The following B4GALT7 variants were observed in gnomAD, a reference collection of about 807,000 sequenced individuals.
The protein encoded by B4GALT7 is UDP-Gal:beta-GlcNAc beta-1,4-galactosyltransferase 7.
Under a neutral mutation model 33.0 loss-of-function variants are expected in B4GALT7, and 30 were observed. That is an observed-to-expected ratio of 0.91 (90% confidence interval 0.68 to 1.23). The LOEUF is 1.23. Among genes scored for constraint, B4GALT7 ranks in the 50% most tolerant of loss-of-function variants. The pLI is 0.00. For synonymous variants in B4GALT7, 213 were observed against 187.2 expected, an observed-to-expected ratio of 1.14 and a Z score of -1.13; for missense variants, 507 against 450.8, an observed-to-expected ratio of 1.12 and a Z score of -1.13.
At chr5:177,607,951 A>G in intron 3 of B4GALT7, 1 of 292,188 alleles carries the variant, frequency 3.4e-6, no homozygotes, top group South Asian at 3.5e-5. Flanking sequence ...CTTGTAGCTC[A>G]GGCAGGAGTC....
chr5:177,602,974 C>T lies in B4GALT7; in HGVS notation c.51-1205C>T, dbSNP rs1176061982. The T allele has an allele frequency of 1.0e-5, 5 of 501,798 alleles. No homozygotes were observed. In the South Asian group the frequency reaches 4.4e-4, roughly 44 times the overall value. 31.1% of individuals were successfully genotyped at this position (501,798 alleles called of 1,614,324 possible). A position where few individuals can be genotyped will look rare whatever the true frequency, so the allele number is the denominator to read the frequency against. The stretch of plus-strand genomic sequence containing the variant: ...CTCAGCTCACTGCAACCTCCGCCTC[C>T]CAGATTCAAGCTATGCTTCTGCCTC... On this transcript the variant is annotated intron_variant, in intron 1 of 5. Transcript: ENST00000029410.
rs117625325 is a variant in B4GALT7 at position 177,608,376 on chromosome 5, C to T, written c.640-163C>T. On this transcript the variant is annotated intron_variant, in intron 3 of 5. Transcript: ENST00000029410. This position sits in a 1 kb window ranked among gnomAD's most constrained non-coding sequence, Gnocchi z 4.1. Reference sequence around the variant, plus strand: ...CGTGAGAACGGGAGAGGGCCCGGGACGCGCTGCTTCCTGCCGCCCGCACTG... The same window carrying T: ...CGTGAGAACGGGAGAGGGCCCGGGATGCGCTGCTTCCTGCCGCCCGCACTG... 1.7e-3 allele frequency: 1,080 copies of T among 633,428 alleles called. 18 individuals are homozygous for T. The East Asian group carries it at 0.023, about 14-fold the overall frequency. 39.2% of individuals were successfully genotyped at this position (633,428 alleles called of 1,614,324 possible). A position where few individuals can be genotyped will look rare whatever the true frequency, so the allele number is the denominator to read the frequency against.
At chr5:177,603,990 G>A (rs933537627) in intron 1 of B4GALT7, 189 bp from the exon 2 acceptor site, 14 of 856,558 alleles carry the variant, frequency 1.6e-5, no homozygotes, top group Non-Finnish European at 2.4e-5. Context: ...GTTGGGTCTA[G>A]AGAGGCAAGC....
intron 5 of B4GALT7, among the ~76,000 whole-genome samples, 195 bp downstream of exon 5, chr5:177,609,209 C>T (rs1388649211): frequency 6.6e-6 from 1 of 152,130 alleles, no homozygotes; most frequent in Non-Finnish European, 1.5e-5. Context: ...CACTGTGGGT[C>T]AGCCCAGACC....
In B4GALT7 at chr5:177,604,490, GGAA is replaced by G; in HGVS notation, c.368_370del (p.Lys123del). ...CCCCACATGCGCCGCTTCCTGAGCA[GGAA>G]GAAGATCCGGCACCACATCTACGTG... is the stretch of plus-strand genomic sequence containing the variant. On this transcript the variant is annotated inframe_deletion, in exon 2 of 6. Coordinates refer to ENST00000029410, the MANE Select transcript of B4GALT7 (RefSeq NM_007255.3). The G allele has an allele frequency of 6.2e-7, 1 of 1,614,020 alleles. No homozygotes were observed. The highest frequency in any genetic ancestry group is 2.2e-5 in the East Asian group (1 of 44,882).
rs896485001 is a variant in B4GALT7, at chr5:177,608,787, C to T, written c.724-123C>T. 37 of 1,123,396 alleles carry T rather than the reference C, an allele frequency of 3.3e-5. No homozygotes were observed. Among genetic ancestry groups the T allele is most frequent in the Non-Finnish European group, 4.7e-5 (35 of 752,026 alleles). 69.6% of individuals were successfully genotyped at this position (1,123,396 alleles called of 1,614,324 possible). A position where few individuals can be genotyped will look rare whatever the true frequency, so the allele number is the denominator to read the frequency against. ...TCTAGCCAGTTCCTTGCCCTGTGGG[C>T]CCCAGTCTCCTCTCCTGCAGGCTGG... On this transcript the variant is annotated intron_variant, in intron 4 of 5. Transcript: ENST00000029410. The surrounding 1 kb of genome is among the most constrained non-coding windows in gnomAD (Gnocchi z 4.1).
At chr5:177,609,519 C>G (rs1768114553) in intron 5 of B4GALT7, 21 bp from the exon 6 acceptor site, 3 of 1,612,408 alleles carry the variant, frequency 1.9e-6, no homozygotes, top group East Asian at 4.5e-5. Context: ...AGTCCGTGCT[C>G]TTTCCTCTCT....
Position 177,600,334 on chromosome 5 carries a change from G to C in B4GALT7, c.50+74G>C. ...CTTCTCGGCCGCCGGCGGAATCTGG[G>C]AACCCGAGGCCATCACGTCTCCATG... On this transcript the variant is annotated intron_variant, in intron 1 of 5. Coordinates refer to ENST00000029410, the MANE Select transcript of B4GALT7 (RefSeq NM_007255.3). The surrounding 1 kb of genome is among the most constrained non-coding windows in gnomAD (Gnocchi z 4.4). The C allele has an allele frequency of 8.4e-7, 1 of 1,186,968 alleles. No individual in the cohort carries two copies. The highest frequency in any genetic ancestry group is 1.1e-6 in the Non-Finnish European group (1 of 935,972). The allele number at this position is 1,186,968 out of a possible 1,614,324, so 73.5% of individuals were successfully genotyped here. A position where few individuals can be genotyped will look rare whatever the true frequency, so the allele number is the denominator to read the frequency against.
rs1767805924 is a variant in B4GALT7, at chr5:177,600,200, C to T, written c.-11C>T. ...GAGCGCCTGCCCCATGCGCCGCCGC[C>T]TCTCCGCACGATGTTCCCCTCGCGG... On this transcript the variant is annotated 5_prime_UTR_variant, in exon 1 of 6. Coordinates refer to ENST00000029410, the MANE Select transcript of B4GALT7 (RefSeq NM_007255.3). This position sits in a 1 kb window ranked among gnomAD's most constrained non-coding sequence, Gnocchi z 4.4. The T allele has an allele frequency of 2.2e-6, 3 of 1,367,148 alleles. No individual in the cohort carries two copies. Among genetic ancestry groups the T allele is most frequent in the Non-Finnish European group, 2.8e-6 (3 of 1,053,872 alleles). 84.7% of individuals were successfully genotyped at this position (1,367,148 alleles called of 1,614,324 possible).
In B4GALT7 at chr5:177,608,499, G is replaced by A. The variant is rs537618285; in HGVS notation, c.640-40G>A. 5.1e-6 allele frequency: 7 copies of A among 1,381,970 alleles called. No individual in the cohort carries two copies. Among genetic ancestry groups the A allele is most frequent in the Admixed American group, 3.6e-5 (2 of 55,722 alleles). The allele number at this position is 1,381,970 out of a possible 1,614,324, so 85.6% of individuals were successfully genotyped here. On this transcript the variant is annotated intron_variant, in intron 3 of 5. Coordinates refer to ENST00000029410, the MANE Select transcript of B4GALT7 (RefSeq NM_007255.3). The surrounding 1 kb of genome is among the most constrained non-coding windows in gnomAD (Gnocchi z 4.1). ...TAGGAGACCAAAGGCCCCCCCCCCC[G>A]GGAAGATGGGCCGAGTGACGCTGCT...
chr5:177,607,153 G>A (rs1319461959), intron 2 of B4GALT7, 149 bp from the exon 3 acceptor site: 4 of 714,288 alleles, frequency 5.6e-6, no homozygotes, highest in East Asian at 2.7e-5. Context: ...GTAAATATGC[G>A]ATGAGTGGAG....
chr5:177,604,345 C>T lies in B4GALT7; in HGVS notation c.217C>T (p.Arg73Cys), dbSNP rs1166915437. 5 of 1,611,266 alleles carry T rather than the reference C, an allele frequency of 3.1e-6. No individual in the cohort carries two copies. The highest frequency in any genetic ancestry group is 1.7e-5 in the Admixed American group (1 of 59,834). The change falls in exon 2 of 6, where the codon CGT (arginine) becomes TGT (cysteine). Residue 73 changes from arginine (R) to cysteine (C), a missense_variant. Arg to Cys is a radical substitution (Grantham distance 180). Transcript: ENST00000029410. Reference sequence around the variant, plus strand: ...AGGGCAGGAGACCTCGGGCCCTCCCCGTGCCTGCCCCCCAGAGCCGCCCCC... The same window carrying T: ...AGGGCAGGAGACCTCGGGCCCTCCCTGTGCCTGCCCCCCAGAGCCGCCCCC... The part of the protein sequence containing the change: ...GQGQETSGPP[R>C]ACPPEPPPEH...
intron 3 of B4GALT7, chr5:177,607,751 C>T (rs1768057989): frequency 1.7e-6 from 1 of 596,424 alleles, no homozygotes. Flanking sequence ...GTTAGTGGCC[C>T]TTAACACTGA....
Position 177,608,680 on chromosome 5 carries a change from TTC to T in B4GALT7, c.723+60_723+61del. The T allele has an allele frequency of 6.6e-7, 1 of 1,513,268 alleles. No individual in the cohort carries two copies. Among genetic ancestry groups the T allele is most frequent in the Non-Finnish European group, 9.1e-7 (1 of 1,095,192 alleles). 93.7% of individuals were successfully genotyped at this position (1,513,268 alleles called of 1,614,324 possible). A position where few individuals can be genotyped will look rare whatever the true frequency, so the allele number is the denominator to read the frequency against. On this transcript the variant is annotated intron_variant, in intron 4 of 5. Coordinates refer to ENST00000029410, the MANE Select transcript of B4GALT7 (RefSeq NM_007255.3). This position sits in a 1 kb window ranked among gnomAD's most constrained non-coding sequence, Gnocchi z 4.1. ...CTGCGGTGGCTGCCCTGAGATTTTC[TTC>T]TGTTTCCTCAGATGAAGCTCCTGGG...
At position 177,610,036 on chromosome 5, in the gene B4GALT7, C is replaced by T; in HGVS notation, c.*341C>T. ...GCTGAACAGGACAACCTCTCATCACCCCCACTTTTGTTCCTTCCTGCTGGG... is the reference window on the plus strand; with the variant it reads ...GCTGAACAGGACAACCTCTCATCACTCCCACTTTTGTTCCTTCCTGCTGGG... On this transcript the variant is annotated 3_prime_UTR_variant, in exon 6 of 6. Transcript: ENST00000029410. The T allele has an allele frequency of 2.7e-6, 1 of 375,242 alleles. No individual in the cohort carries two copies. The highest frequency in any genetic ancestry group is 2.4e-5 in the South Asian group (1 of 42,116). 23.2% of individuals were successfully genotyped at this position (375,242 alleles called of 1,614,324 possible).
At position 177,608,516 on chromosome 5, in the gene B4GALT7, G is replaced by C. The variant is rs1278984650; in HGVS notation, c.640-23G>C. 6.2e-7 allele frequency: 1 copy of C among 1,603,640 alleles called. No individual in the cohort carries two copies. The highest frequency in any genetic ancestry group is 2.2e-5 in the East Asian group (1 of 44,840). On this transcript the variant is annotated intron_variant, in intron 3 of 5. Transcript: ENST00000029410. The surrounding 1 kb of genome is among the most constrained non-coding windows in gnomAD (Gnocchi z 4.1). ...CCCCCCCCGGGAAGATGGGCCGAGT[G>C]ACGCTGCTTGTCTCTGTGTCAGTGC...
At position 177,604,552 on chromosome 5, in the gene B4GALT7, C is replaced by A. The variant is rs766038085; in HGVS notation, c.413+11C>A. ...GGTGGACCACTTCAGGTAGCGCCCG[C>A]CCCCACCCTCTCCCCTCGGCACCCC... On this transcript the variant is annotated intron_variant, in intron 2 of 5. Transcript: ENST00000029410. The A allele has an allele frequency of 1.2e-6, 2 of 1,613,544 alleles. No individual in the cohort carries two copies. The highest frequency in any genetic ancestry group is 1.7e-6 in the Non-Finnish European group (2 of 1,179,914).
At position 177,600,295 on chromosome 5, in the gene B4GALT7, C is replaced by A; in HGVS notation, c.50+35C>A. On this transcript the variant is annotated intron_variant, in intron 1 of 5. Transcript: ENST00000029410. The surrounding 1 kb of genome is among the most constrained non-coding windows in gnomAD (Gnocchi z 4.4). ...GGCGGTGGGCCCGGGCCCCGTCCTCCCGGGCGCCGCTCCCTTCTCGGCCGC... is the reference window on the plus strand; with the variant it reads ...GGCGGTGGGCCCGGGCCCCGTCCTCACGGGCGCCGCTCCCTTCTCGGCCGC... 1 of 1,294,912 alleles carries A rather than the reference C, an allele frequency of 7.7e-7. No individual in the cohort carries two copies. Among genetic ancestry groups the A allele is most frequent in the South Asian group, 2.1e-5 (1 of 47,270 alleles). 80.2% of individuals were successfully genotyped at this position (1,294,912 alleles called of 1,614,324 possible). A position where few individuals can be genotyped will look rare whatever the true frequency, so the allele number is the denominator to read the frequency against.
Position 177,600,380 on chromosome 5 carries a change from C to T in B4GALT7, c.50+120C>T, listed in dbSNP as rs1767813086. The T allele has an allele frequency of 3.6e-6, 3 of 826,450 alleles. No homozygotes were observed. The highest frequency in any genetic ancestry group is 4.9e-6 in the Non-Finnish European group (3 of 618,146). 51.2% of individuals were successfully genotyped at this position (826,450 alleles called of 1,614,324 possible). A position where few individuals can be genotyped will look rare whatever the true frequency, so the allele number is the denominator to read the frequency against. On this transcript the variant is annotated intron_variant, in intron 1 of 5. Coordinates refer to ENST00000029410, the MANE Select transcript of B4GALT7 (RefSeq NM_007255.3). The surrounding 1 kb of genome is among the most constrained non-coding windows in gnomAD (Gnocchi z 4.4). Reference sequence around the variant, plus strand: ...CCATGTCTGCGGGTTTCTGTGAGGGCGTGTGGTTCTCCCTGTGGGTCCCTG... The same window carrying T: ...CCATGTCTGCGGGTTTCTGTGAGGGTGTGTGGTTCTCCCTGTGGGTCCCTG...
Sources: gnomAD v4.1 joint callset for allele counts (sites outside exome capture counted in the v4.1 genomes callset) on GRCh38, gnomAD v4.1.1 for gene constraint, Gnocchi (gnomAD v3.1) non-coding constraint, MANE v1.5 for transcripts, NCBI Gene and HGNC (gene_info 2026-07-23, HGNC 2026-07-21) for gene names.